SOX5: variants seen among roughly 807,000 people sequenced by gnomAD.
SOX5 encodes transcription factor SOX-5.
In SOX5, 9 loss-of-function variants were observed where a neutral mutation model predicts 92.0. The observed-to-expected ratio is 0.10, with a 90% CI of 0.06 to 0.17. SOX5 has a LOEUF of 0.17. SOX5 is among the 10% of genes least tolerant of loss of function. The pLI, the probability that SOX5 is intolerant of heterozygous loss-of-function variation, is 1.00. For synonymous variants in SOX5, 344 were observed against 336.3 expected (o/e 1.02, Z -0.25); for missense variants, 642 against 944.5 (o/e 0.68, Z 4.20).
intron 1 of SOX5, among the ~76,000 whole-genome samples, chr12:24,436,041 G>A (rs1337377205): frequency 6.6e-6 from 1 of 152,148 alleles, no homozygotes; most frequent in Non-Finnish European, 1.5e-5. Context: ...TGCTCTGACT[G>A]CTCCACTGAC....
intron 1 of SOX5, among the ~76,000 whole-genome samples, chr12:24,481,240 G>T (rs1015810943): frequency 6.6e-6 from 1 of 152,098 alleles, no homozygotes; most frequent in Admixed American, 6.6e-5. Context: ...AGAGTAGAAG[G>T]ATGGTTACCA....
chr12:23,994,452 T>A (rs1950852671), intron 4 of SOX5, among the ~76,000 whole-genome samples: 1 of 152,210 alleles, frequency 6.6e-6, no homozygotes, highest in African/African-American at 2.4e-5. Context: ...GATAGGTATA[T>A]ATAGATACAG....
At chr12:24,357,800 G>A (rs1322746149) in intron 2 of SOX5, among the ~76,000 whole-genome samples, 13 of 143,898 alleles carry the variant, frequency 9.0e-5, no homozygotes, top group African/African-American at 1.3e-4. Flanking sequence ...TAGATTGTGC[G>A]ACTGCACTCC....
chr12:23,896,791 G>A (rs961150717), intron 1 of SOX5, among the ~76,000 whole-genome samples: 2 of 150,238 alleles, frequency 1.3e-5, no homozygotes, highest in East Asian at 3.9e-4. Flanking sequence ...ATTTAGATGT[G>A]AATAATTCTG....
intron 4 of SOX5, among the ~76,000 whole-genome samples, chr12:24,067,345 A>G (rs944690170): frequency 3.9e-5 from 6 of 152,208 alleles, no homozygotes; most frequent in African/African-American, 1.4e-4. Flanking sequence ...CAAAACAACC[A>G]TGAACAGCAT....
chr12:24,302,352 C>T (rs1246012741), intron 2 of SOX5, among the ~76,000 whole-genome samples: 1 of 152,154 alleles, frequency 6.6e-6, no homozygotes, highest in Non-Finnish European at 1.5e-5. Flanking sequence ...ATCTTGATTT[C>T]TTGGAGCACT....
chr12:23,790,778 A>G (rs2095462042), intron 3 of SOX5, among the ~76,000 whole-genome samples: 1 of 152,140 alleles, frequency 6.6e-6, no homozygotes, highest in African/African-American at 2.4e-5. Context: ...CCCTACTAAT[A>G]AAAGTTAGTG....
chr12:23,713,569 A>G (rs999125425), intron 6 of SOX5, among the ~76,000 whole-genome samples: 12 of 151,974 alleles, frequency 7.9e-5, no homozygotes, highest in Non-Finnish European at 1.8e-4. Context: ...AATTATCTGA[A>G]TCATTAATAC....
chr12:23,960,919 G>A (rs1946861808), intron 4 of SOX5, among the ~76,000 whole-genome samples: 1 of 151,968 alleles, frequency 6.6e-6, no homozygotes, highest in Admixed American at 6.6e-5. Flanking sequence ...ACTTTTCACT[G>A]CATATATTTT....
rs534433162 is a variant in SOX5 at position 23,833,297 on chromosome 12, A to T, written c.481+12686T>A. ...AGGAAAGGAGAGGTTGTGGAGGGAAAGATCCAATAATAAAATTGCCCCAAT... is the reference window on the plus strand; with the variant it reads ...AGGAAAGGAGAGGTTGTGGAGGGAATGATCCAATAATAAAATTGCCCCAAT... On this transcript the variant is annotated intron_variant, in intron 3 of 14. Transcript: ENST00000451604. Among the ~76,000 whole-genome samples, 5 of 152,054 alleles carry T rather than the reference A, an allele frequency of 3.3e-5. No individual in the cohort carries two copies. In the East Asian group the frequency reaches 9.7e-4, roughly 29 times the overall value.
chr12:24,313,364 T>TA (rs1555225197), intron 2 of SOX5, among the ~76,000 whole-genome samples: 2 of 151,900 alleles, frequency 1.3e-5, no homozygotes, highest in African/African-American at 4.8e-5. Context: ...CCCATCTCTA[T>TA]AAAAAAATAA....
At chr12:23,975,249 T>C (rs1329070367) in intron 4 of SOX5, among the ~76,000 whole-genome samples, 1 of 152,136 alleles carries the variant, frequency 6.6e-6, no homozygotes, top group Non-Finnish European at 1.5e-5. Flanking sequence ...CTTCTTTTAT[T>C]GTTTTCCTTT....
intron 2 of SOX5, among the ~76,000 whole-genome samples, chr12:23,879,348 G>T (rs968522138): frequency 6.6e-5 from 10 of 151,866 alleles, no homozygotes; most frequent in East Asian, 1.9e-4. Context: ...AACTAGAAAA[G>T]AAATTAACAG....
chr12:23,697,164 G>C (rs1156550236), intron 6 of SOX5, among the ~76,000 whole-genome samples: 1 of 152,082 alleles, frequency 6.6e-6, no homozygotes, highest in African/African-American at 2.4e-5. Context: ...ATTGAAAGAG[G>C]ATTATTGAAA....
intron 4 of SOX5, among the ~76,000 whole-genome samples, chr12:23,752,371 A>T (rs1322843152): frequency 6.6e-6 from 1 of 151,896 alleles, no homozygotes; most frequent in Non-Finnish European, 1.5e-5. Flanking sequence ...TTTTATCAAG[A>T]TAAAAACAAT....
chr12:24,373,301 CCAT>C (rs1017661089), intron 1 of SOX5, among the ~76,000 whole-genome samples: 10 of 152,282 alleles, frequency 6.6e-5, no homozygotes, highest in Admixed American at 6.5e-4. Flanking sequence ...TGCAACACTA[CCAT>C]ATTTTTTATA....
intron 9 of SOX5, among the ~76,000 whole-genome samples, chr12:23,596,282 T>G (rs907443066): frequency 6.6e-6 from 1 of 152,244 alleles, no homozygotes; most frequent in Non-Finnish European, 1.5e-5. Flanking sequence ...TTAGTATTCT[T>G]TATTTTCTCT....
At chr12:24,541,666 T>C (rs1300329886) in intron 1 of SOX5, among the ~76,000 whole-genome samples, 3 of 152,244 alleles carry the variant, frequency 2.0e-5, no homozygotes, top group Non-Finnish European at 4.4e-5. Context: ...ACACTTGTTG[T>C]CCTTTCAAAG....
At chr12:23,596,796 G>C (rs1392007121) in intron 9 of SOX5, among the ~76,000 whole-genome samples, 1 of 152,074 alleles carries the variant, frequency 6.6e-6, no homozygotes, top group Non-Finnish European at 1.5e-5. Flanking sequence ...GTTCATTGAG[G>C]TTTTATCAGA....
Sources: allele counts gnomAD v4.1 joint callset (sites outside exome capture counted in the v4.1 genomes callset), GRCh38; gene constraint gnomAD v4.1.1; transcripts MANE v1.5; gene names NCBI Gene and HGNC (gene_info 2026-07-23, HGNC 2026-07-21).